F11: variants seen among roughly 807,000 people sequenced by gnomAD.
F11 encodes the protein coagualtion factor XI.
Under a neutral mutation model 76.5 loss-of-function variants are expected in F11, and 78 were observed. That is an observed-to-expected ratio of 1.02 (90% confidence interval 0.85 to 1.23). The LOEUF (loss-of-function observed/expected upper bound fraction) is 1.23. Among genes scored for constraint, F11 ranks in the 50% most tolerant of loss-of-function variants. The probability of loss-of-function intolerance (pLI) is 0.00; values close to 1 mark genes in which losing one functional copy is unlikely to be tolerated. For synonymous variants in F11, 278 were observed against 276.3 expected (o/e 1.01, Z -0.06); for missense variants, 742 against 771.4 (o/e 0.96, Z 0.45).
rs1186499076 is a variant in F11 at position 186,280,270 on chromosome 4, G to C, written c.913G>C (p.Glu305Gln). The change falls in exon 9 of 15, where the codon GAA (glutamate) becomes CAA (glutamine). Residue 305 changes from glutamate (E) to glutamine (Q), a missense_variant. Physicochemically the swap from Glu to Gln is conservative, Grantham distance 29 (BLOSUM62 2). Coordinates refer to ENST00000403665, the MANE Select transcript of F11 (RefSeq NM_000128.4). ...CCATGACACTGATTTCTTGGGAGAA[G>C]AACTGGATATTGTTGCTGCAAAAAG... is the stretch of plus-strand genomic sequence containing the variant. ...FYHDTDFLGE[E>Q]LDIVAAKSHE... The C allele has an allele frequency of 6.2e-7, 1 of 1,614,182 alleles. No individual in the cohort carries two copies. The highest frequency in any genetic ancestry group is 1.1e-5 in the South Asian group (1 of 91,086).
chr4:186,268,175 GT>G (rs1739649551), intron 2 of F11, among the ~76,000 whole-genome samples: 1 of 152,128 alleles, frequency 6.6e-6, no homozygotes, highest in Admixed American at 6.6e-5. Flanking sequence ...CATGTGCAGA[GT>G]TTTTTCTTGT....
At chr4:186,271,229 G>T (rs762314594) in intron 2 of F11, among the ~76,000 whole-genome samples, 3 of 152,072 alleles carry the variant, frequency 2.0e-5, no homozygotes, top group Non-Finnish European at 2.9e-5. Flanking sequence ...ATAAGCACAG[G>T]GTTTGGATAA....
chr4:186,276,236 A>AT lies in F11; in HGVS notation c.603dup (p.Arg202Ter). The AT allele has an allele frequency of 6.2e-7, 1 of 1,614,146 alleles. No homozygotes were observed. The highest frequency in any genetic ancestry group is 1.1e-5 in the South Asian group (1 of 91,088). The stretch of plus-strand genomic sequence containing the variant: ...ATAGTTCTTCCGTCGCGCAGCTTGT[A>AT]TTAGGGACATTTTCCCTAATACGGT... On this transcript the variant is annotated frameshift_variant, in exon 7 of 15. Transcript: ENST00000403665. LOFTEE classifies it high-confidence loss of function.
chr4:186,269,459 C>G (rs1478632905), intron 2 of F11, among the ~76,000 whole-genome samples: 2 of 152,196 alleles, frequency 1.3e-5, no homozygotes, highest in African/African-American at 4.8e-5. Flanking sequence ...CATGGATGAA[C>G]CTTGAGGACA....
At chr4:186,269,912 C>T (rs909023602) in intron 2 of F11, among the ~76,000 whole-genome samples, 3 of 152,078 alleles carry the variant, frequency 2.0e-5, no homozygotes, top group South Asian at 2.1e-4. Flanking sequence ...CAAAAGCAAA[C>T]AAAAATCCAA....
At chr4:186,271,873 A>G in intron 3 of F11, 102 bp downstream of exon 3, 1 of 1,271,272 alleles carries the variant, frequency 7.9e-7, no homozygotes, top group Non-Finnish European at 1.1e-6. Flanking sequence ...AACATTAACA[A>G]CTGGAAGATA....
At chr4:186,282,549 CAT>C (rs1740882868) in intron 10 of F11, 1 of 985,394 alleles carries the variant, frequency 1.0e-6, no homozygotes, top group South Asian at 4.7e-5. Flanking sequence ...ATTCTAAACA[CAT>C]ATTTTCAGCA....
chr4:186,285,583 C>G, intron 11 of F11, 55 bp from the exon 12 acceptor site: 9 of 1,545,274 alleles, frequency 5.8e-6, no homozygotes, highest in Non-Finnish European at 8.0e-6. Context: ...TTCACAATGT[C>G]TGGGAATTAT....
intron 2 of F11, among the ~76,000 whole-genome samples, chr4:186,271,007 G>A (rs114504390): frequency 2.0e-5 from 3 of 151,854 alleles, no homozygotes; most frequent in African/African-American, 4.8e-5. Flanking sequence ...CGCCCACTCC[G>A]CATTATTAAA....
At chr4:186,270,864 T>TTTA (rs1305982695) in intron 2 of F11, among the ~76,000 whole-genome samples, 2 of 144,142 alleles carry the variant, frequency 1.4e-5, no homozygotes. Context: ...CAGCTAGTAT[T>TTTA]TTTTTTTTTT....
Position 186,288,628 on chromosome 4 carries a change from G to A in F11, c.*14G>A, listed in dbSNP as rs1176423504. On this transcript the variant is annotated 3_prime_UTR_variant, in exon 15 of 15. Transcript: ENST00000403665. ...CAAGCAGTGTGAATGGGTTCCCAGG[G>A]GCCATTGGAGTCCCTGAAGGACCCA... 1.9e-6 allele frequency: 3 copies of A among 1,611,444 alleles called. No individual in the cohort carries two copies. The highest frequency in any genetic ancestry group is 2.7e-5 in the African/African-American group (2 of 74,886).
rs377739025 is a variant in F11 at position 186,287,830 on chromosome 4, G to T, written c.1716+7G>T. On this transcript the variant is annotated splice_region_variant and intron_variant, in intron 14 of 14. Coordinates refer to ENST00000403665, the MANE Select transcript of F11 (RefSeq NM_000128.4). The stretch of plus-strand genomic sequence containing the variant: ...AGGGAAGGACGCTTGCAAGGTAACA[G>T]AGTGTTCTTAGCCAATGGAATATAT... 3 of 1,611,454 alleles carry T rather than the reference G, an allele frequency of 1.9e-6. No homozygotes were observed. Among genetic ancestry groups the T allele is most frequent in the Non-Finnish European group, 2.5e-6 (3 of 1,178,406 alleles).
At chr4:186,268,519 T>C (rs1020583353) in intron 2 of F11, among the ~76,000 whole-genome samples, 16 of 152,118 alleles carry the variant, frequency 1.1e-4, no homozygotes, top group African/African-American at 3.9e-4. Flanking sequence ...ATTATACTGA[T>C]CATGTTATTC....
intron 7 of F11, among the ~76,000 whole-genome samples, chr4:186,279,143 G>T (rs1740591917): frequency 6.6e-6 from 1 of 152,290 alleles, no homozygotes; most frequent in East Asian, 1.9e-4. Context: ...CCAGCACTTT[G>T]GGAGGCCGAG....
chr4:186,285,487 G>A (rs1261517109), intron 11 of F11, 151 bp from the exon 12 acceptor site: 22 of 792,990 alleles, frequency 2.8e-5, no homozygotes, highest in African/African-American at 1.9e-4. Context: ...TTTTTATCCC[G>A]AAAAATCTTA....
chr4:186,285,942 G>A, intron 12 of F11, 129 bp downstream of exon 12: 1 of 1,030,302 alleles, frequency 9.7e-7, no homozygotes, highest in Non-Finnish European at 1.5e-6. Flanking sequence ...AGAGGGCCTG[G>A]AATGCTAGTC....
Position 186,280,316 on chromosome 4 carries a change from T to A in F11, c.959T>A (p.Leu320Gln). 1 of 1,614,156 alleles carries A rather than the reference T, an allele frequency of 6.2e-7. No homozygotes were observed. The highest frequency in any genetic ancestry group is 8.5e-7 in the Non-Finnish European group (1 of 1,180,012). The change falls in exon 9 of 15, where the codon CTG becomes CAG. Residue 320 changes from leucine (L) to glutamine (Q), a missense_variant. By Grantham distance (113) the Leu-to-Gln change is moderately radical. Coordinates refer to ENST00000403665, the MANE Select transcript of F11 (RefSeq NM_000128.4). ...AAKSHEACQK[L>Q]CTNAVRCQFF... The stretch of plus-strand genomic sequence containing the variant: ...AAAAGTCACGAGGCCTGCCAGAAAC[T>A]GTGCACCAATGCCGTCCGCTGCCAG...
chr4:186,268,614 C>T (rs1364208427), intron 2 of F11, among the ~76,000 whole-genome samples: 2 of 150,034 alleles, frequency 1.3e-5, no homozygotes, highest in Non-Finnish European at 3.0e-5. Context: ...TTATAATCAC[C>T]GTGAATGGGA....
At chr4:186,276,428 T>C (rs1359187102) in intron 7 of F11, 38 bp downstream of exon 7, 1 of 1,603,642 alleles carries the variant, frequency 6.2e-7, no homozygotes, top group African/African-American at 1.3e-5. Flanking sequence ...TGTTATCTTC[T>C]AAAAATAGCT....
Sources: gnomAD v4.1 joint callset for allele counts (sites outside exome capture counted in the v4.1 genomes callset) on GRCh38, gnomAD v4.1.1 for gene constraint, MANE v1.5 for transcripts, NCBI Gene and HGNC (gene_info 2026-07-23, HGNC 2026-07-21) for gene names.